The following ARHGAP44 variants were observed in gnomAD, a reference collection of about 807,000 sequenced individuals.
ARHGAP44 encodes rho GTPase-activating protein 44.
A neutral mutation model predicts 106.8 loss-of-function variants in ARHGAP44; 43 were observed. The observed-to-expected ratio is 0.40, with a 90% CI of 0.32 to 0.52. The LOEUF is 0.52. Ranked by LOEUF, ARHGAP44 falls within the 20% of genes least tolerant of loss-of-function variation. The probability of loss-of-function intolerance (pLI) is 0.48; values close to 1 mark genes in which losing one functional copy is unlikely to be tolerated. For synonymous variants in ARHGAP44, 439 were observed against 410.3 expected (o/e 1.07, Z -0.85); for missense variants, 866 against 1,050.5 (o/e 0.82, Z 2.43).
intron 1 of ARHGAP44, among the ~76,000 whole-genome samples, chr17:12,856,891 C>G (rs2035925725): frequency 6.6e-6 from 1 of 152,142 alleles, no homozygotes. Flanking sequence ...ATTCTTGTTG[C>G]TCTTTCTGTG....
At chr17:12,925,897 T>C (rs2150962257) in intron 6 of ARHGAP44, among the ~76,000 whole-genome samples, 1 of 152,204 alleles carries the variant, frequency 6.6e-6, no homozygotes, top group Admixed American at 6.5e-5. Flanking sequence ...AAAATGACTA[T>C]CTGTACAAAA....
intron 20 of ARHGAP44, chr17:12,985,159 G>GT (rs1284645790): frequency 2.1e-6 from 1 of 470,522 alleles, no homozygotes; most frequent in Non-Finnish European, 3.7e-6. Flanking sequence ...CTGGGGTTCT[G>GT]TTTTTGCTCT....
chr17:12,897,695 GC>G (rs1378695877), intron 3 of ARHGAP44, among the ~76,000 whole-genome samples: 4 of 143,008 alleles, frequency 2.8e-5, no homozygotes, highest in African/African-American at 1.0e-4. Flanking sequence ...AGCCAAGCCT[GC>G]CTTTGATCTG....
chr17:12,934,565 G>A (rs1440859962), intron 7 of ARHGAP44, among the ~76,000 whole-genome samples: 3 of 152,178 alleles, frequency 2.0e-5, no homozygotes, highest in African/African-American at 7.2e-5. Flanking sequence ...AAACCTACGA[G>A]CAAGCGTGGC....
intron 1 of ARHGAP44, among the ~76,000 whole-genome samples, chr17:12,837,380 C>A (rs1169187911): frequency 6.6e-6 from 1 of 151,982 alleles, no homozygotes; most frequent in Non-Finnish European, 1.5e-5. Context: ...TTATGTAACC[C>A]ATAAGTATAT....
chr17:12,869,351 A>T (rs1213473339), intron 1 of ARHGAP44, among the ~76,000 whole-genome samples: 1 of 152,208 alleles, frequency 6.6e-6, no homozygotes, highest in East Asian at 1.9e-4. Context: ...TATTAAGATA[A>T]GCTATCTATA....
chr17:12,859,625 G>C (rs558855927), intron 1 of ARHGAP44, among the ~76,000 whole-genome samples: 60 of 152,302 alleles, frequency 3.9e-4, no homozygotes, highest in African/African-American at 1.4e-3. Flanking sequence ...TATTCTTGTT[G>C]AGTCATATCT....
chr17:12,918,543 A>G (rs770335029), intron 5 of ARHGAP44, among the ~76,000 whole-genome samples: 8 of 152,158 alleles, frequency 5.3e-5, no homozygotes, highest in Non-Finnish European at 1.0e-4. Flanking sequence ...ATACAACCAA[A>G]ATGGAAGAAC....
chr17:12,922,529 C>T (rs1206619038), intron 6 of ARHGAP44, among the ~76,000 whole-genome samples: 2 of 152,190 alleles, frequency 1.3e-5, no homozygotes, highest in Non-Finnish European at 1.5e-5. Context: ...TCTCTGAAAC[C>T]TGGGGCTTAG....
chr17:12,906,153 A>T (rs943981623), intron 3 of ARHGAP44, among the ~76,000 whole-genome samples: 1 of 152,204 alleles, frequency 6.6e-6, no homozygotes, highest in Non-Finnish European at 1.5e-5. Flanking sequence ...ACCTTAAGTT[A>T]TGCCCTCTCT....
At chr17:12,911,248 T>C (rs2037729088) in intron 4 of ARHGAP44, among the ~76,000 whole-genome samples, 1 of 152,144 alleles carries the variant, frequency 6.6e-6, no homozygotes, top group Admixed American at 6.5e-5. Context: ...CAGAGTAACG[T>C]TGGAAATAAA....
intron 1 of ARHGAP44, among the ~76,000 whole-genome samples, chr17:12,791,404 C>T (rs753924306): frequency 5.3e-5 from 8 of 152,182 alleles, no homozygotes; most frequent in Non-Finnish European, 1.0e-4. Context: ...TCTTTAATGT[C>T]TTGGCTTCTT....
At chr17:12,975,434 G>A (rs2039651796) in intron 18 of ARHGAP44, among the ~76,000 whole-genome samples, 2 of 151,882 alleles carry the variant, frequency 1.3e-5, no homozygotes, top group South Asian at 4.1e-4. Context: ...TTATTTTAGG[G>A]GAAGGAAAAA....
chr17:12,895,022 A>T, intron 2 of ARHGAP44, 43 bp downstream of exon 2: 1 of 1,555,168 alleles, frequency 6.4e-7, no homozygotes, highest in Non-Finnish European at 8.7e-7. Flanking sequence ...CCAGAGATAT[A>T]TGGGAGGCTG....
At chr17:12,982,254 G>A (rs1025998126) in intron 19 of ARHGAP44, among the ~76,000 whole-genome samples, 2 of 152,002 alleles carry the variant, frequency 1.3e-5, no homozygotes, top group African/African-American at 4.8e-5. Flanking sequence ...CTTTTGAAAG[G>A]TATACATTTC....
intron 1 of ARHGAP44, among the ~76,000 whole-genome samples, chr17:12,851,606 G>C (rs2035743208): frequency 6.6e-6 from 1 of 152,016 alleles, no homozygotes; most frequent in Non-Finnish European, 1.5e-5. Context: ...AGCTAAGTTG[G>C]TATTTTTAGT....
chr17:12,853,944 A>G (rs1272314976), intron 1 of ARHGAP44, among the ~76,000 whole-genome samples: 1 of 152,050 alleles, frequency 6.6e-6, no homozygotes, highest in Non-Finnish European at 1.5e-5. Flanking sequence ...TTCTGGCCCC[A>G]GCTCATTCTG....
At chr17:12,987,207 C>T (rs1414260862) in intron 20 of ARHGAP44, 15 of 1,443,524 alleles carry the variant, frequency 1.0e-5, no homozygotes, top group Middle Eastern at 1.7e-4. Flanking sequence ...GGCCAGCTGC[C>T]CGCTCCTCCC....
intron 1 of ARHGAP44, among the ~76,000 whole-genome samples, chr17:12,876,716 T>G (rs531615202): frequency 3.0e-4 from 46 of 151,550 alleles, no homozygotes; most frequent in African/African-American, 1.1e-3. Flanking sequence ...ATCGAGACCA[T>G]CCTGGCCAAC....
Sources: allele counts gnomAD v4.1 joint callset (sites outside exome capture counted in the v4.1 genomes callset), GRCh38; gene constraint gnomAD v4.1.1; transcripts MANE v1.5; gene names NCBI Gene and HGNC (gene_info 2026-07-23, HGNC 2026-07-21).